Variants in HDAC9 observed in about 807,000 individuals in gnomAD.
HDAC9 encodes the protein MEF-2 interacting transcription repressor (MITR) protein.
A neutral mutation model predicts 139.4 loss-of-function variants in HDAC9; 41 were observed. The ratio of observed to expected loss-of-function variants is 0.29; its 90% confidence interval spans 0.23 to 0.38. The LOEUF (loss-of-function observed/expected upper bound fraction) is 0.38, where lower values mean the gene tolerates loss of function less well. HDAC9 is among the 10% of genes least tolerant of loss of function. The pLI, the probability that HDAC9 is intolerant of heterozygous loss-of-function variation, is 1.00. For missense variants in HDAC9, 1,147 were observed against 1,297.0 expected (o/e 0.88, Z 1.78); for synonymous variants, 517 against 476.2 (o/e 1.09, Z -1.12).
intron 23 of HDAC9, among the ~76,000 whole-genome samples, chr7:18,946,462 GAAA>G (rs1019080023): frequency 6.6e-6 from 1 of 151,488 alleles, no homozygotes; most frequent in Non-Finnish European, 1.5e-5. Flanking sequence ...TGAAGGAAAT[GAAA>G]AAAAATTTAT....
At chr7:18,445,370 A>G (rs996452984) in intron 1 of HDAC9, among the ~76,000 whole-genome samples, 1 of 152,116 alleles carries the variant, frequency 6.6e-6, no homozygotes, top group Non-Finnish European at 1.5e-5. Flanking sequence ...TTGCTTATAT[A>G]TTTATATTTT....
intron 12 of HDAC9, among the ~76,000 whole-genome samples, chr7:18,701,774 C>T (rs1006680376): frequency 4.6e-5 from 7 of 152,236 alleles, no homozygotes; most frequent in African/African-American, 9.6e-5. Flanking sequence ...TAGATTCCCA[C>T]ATATCTGTGA....
chr7:18,920,850 G>C (rs1244227287), intron 22 of HDAC9, among the ~76,000 whole-genome samples: 1 of 152,118 alleles, frequency 6.6e-6, no homozygotes, highest in Non-Finnish European at 1.5e-5. Flanking sequence ...AAGCCCACTT[G>C]ATCATGGTGG....
intron 16 of HDAC9, among the ~76,000 whole-genome samples, chr7:18,779,109 A>C (rs563158954): frequency 2.0e-4 from 31 of 152,192 alleles, no homozygotes; most frequent in Admixed American, 2.6e-4. Context: ...CCATGACTAA[A>C]GAAGCTAAGG....
intron 2 of HDAC9, among the ~76,000 whole-genome samples, chr7:18,270,621 A>T (rs1042332803): frequency 6.6e-6 from 1 of 152,194 alleles, no homozygotes; most frequent in African/African-American, 2.4e-5. Context: ...TCTGTTTTTA[A>T]TATGTATGTA....
chr7:18,695,485 A>T (rs1220515818), intron 12 of HDAC9, among the ~76,000 whole-genome samples: 5 of 152,194 alleles, frequency 3.3e-5, no homozygotes, highest in Admixed American at 3.3e-4. Flanking sequence ...GAGTAGAAGG[A>T]GTTTCTTAAC....
intron 6 of HDAC9, among the ~76,000 whole-genome samples, chr7:18,627,489 T>C (rs1842016351): frequency 1.3e-5 from 2 of 152,184 alleles, no homozygotes; most frequent in South Asian, 2.1e-4. Flanking sequence ...ATCAATATTT[T>C]TGAAGTAATT....
At chr7:18,392,307 TCTCTCTCTCACACA>T (rs1405927915) in intron 1 of HDAC9, among the ~76,000 whole-genome samples, 16 of 137,512 alleles carry the variant, frequency 1.2e-4, no homozygotes, top group East Asian at 4.0e-4. Flanking sequence ...TCTCTCTCTC[TCTCTCTCTCACACA>T]CACACACACA....
rs934474709 is a variant in HDAC9, at chr7:18,954,184, G to A, written c.2976G>A (p.Pro992=). The A allele has an allele frequency of 2.0e-5, 31 of 1,570,672 alleles. No individual in the cohort carries two copies. The highest frequency in any genetic ancestry group is 2.7e-5 in the African/African-American group (2 of 74,056). ...CAGAAGATATTCTCCACCAAAGCCC[G>A]AATATGAATGCTGTTATTTCTTTAC... ...PLAEDILHQS[P]NMNAVISLQK... The change falls in exon 24 of 26, where the codon CCG becomes CCA. Residue 992 remains proline, a synonymous_variant. Transcript: ENST00000686413.
chr7:18,229,992 A>C (rs1793339753), intron 2 of HDAC9, among the ~76,000 whole-genome samples: 1 of 152,196 alleles, frequency 6.6e-6, no homozygotes, highest in Non-Finnish European at 1.5e-5. Flanking sequence ...AGAGAAAAAT[A>C]GTGGCATTTC....
At chr7:18,270,639 A>T (rs549868671) in intron 2 of HDAC9, among the ~76,000 whole-genome samples, 2 of 152,208 alleles carry the variant, frequency 1.3e-5, no homozygotes, top group Admixed American at 1.3e-4. Flanking sequence ...GTATGTGTAT[A>T]CATACGTAGT....
intron 2 of HDAC9, chr7:18,578,294 A>G (rs2128767179): frequency 2.0e-6 from 1 of 508,272 alleles, no homozygotes; most frequent in Non-Finnish European, 3.9e-6. Flanking sequence ...TTGGCCTGCT[A>G]TTCGTAACGA....
chr7:18,663,592 A>T (rs1326888248), intron 11 of HDAC9, among the ~76,000 whole-genome samples: 2 of 151,956 alleles, frequency 1.3e-5, no homozygotes, highest in Non-Finnish European at 1.5e-5. Context: ...TATCCTCAAG[A>T]GGCCCTTATT....
chr7:18,875,715 T>C (rs779008207), intron 22 of HDAC9, among the ~76,000 whole-genome samples: 33 of 152,190 alleles, frequency 2.2e-4, no homozygotes, highest in Non-Finnish European at 4.0e-4. Context: ...GAGAGGTGTT[T>C]GCTGAGATTA....
chr7:18,411,263 A>G (rs748016736), intron 1 of HDAC9, among the ~76,000 whole-genome samples: 6 of 152,196 alleles, frequency 3.9e-5, no homozygotes, highest in Non-Finnish European at 8.8e-5. Context: ...GATTTTTTTG[A>G]CTTTACGGTG....
intron 2 of HDAC9, among the ~76,000 whole-genome samples, chr7:18,189,044 G>T (rs1409014706): frequency 6.6e-6 from 1 of 152,148 alleles, no homozygotes; most frequent in Non-Finnish European, 1.5e-5. Flanking sequence ...AAATGTACAT[G>T]TATGTTTATT....
chr7:18,780,114 A>G (rs1791118962), intron 16 of HDAC9, among the ~76,000 whole-genome samples: 1 of 152,030 alleles, frequency 6.6e-6, no homozygotes, highest in Admixed American at 6.6e-5. Context: ...CAGGGATGGC[A>G]TTGCTACTCA....
intron 1 of HDAC9, among the ~76,000 whole-genome samples, chr7:18,467,832 G>A (rs1248335520): frequency 6.6e-6 from 1 of 152,016 alleles, no homozygotes; most frequent in African/African-American, 2.4e-5. Context: ...TATTCCATCT[G>A]GTATACAATA....
intron 2 of HDAC9, among the ~76,000 whole-genome samples, chr7:18,257,672 G>A (rs916357779): frequency 5.3e-5 from 8 of 152,130 alleles, no homozygotes; most frequent in African/African-American, 1.9e-4. Flanking sequence ...CCAACTCTAG[G>A]CAGAAATAAA....
Sources: gnomAD v4.1 joint callset for allele counts (sites outside exome capture counted in the v4.1 genomes callset) on GRCh38, gnomAD v4.1.1 for gene constraint, MANE v1.5 for transcripts, NCBI Gene and HGNC (gene_info 2026-07-23, HGNC 2026-07-21) for gene names.